CCDC171: variants seen among roughly 807,000 people sequenced by gnomAD.
CCDC171 encodes the protein coiled-coil domain-containing protein 171.
CCDC171 carries 177 observed loss-of-function variants against 168.2 expected under a neutral mutation model. The ratio of observed to expected loss-of-function variants is 1.05; its 90% CI spans 0.93 to 1.19. The LOEUF (loss-of-function observed/expected upper bound fraction) is 1.19, where lower values mean the gene tolerates loss of function less well. Among genes scored for constraint, CCDC171 ranks in the 50% most tolerant of loss-of-function variants. The probability of loss-of-function intolerance (pLI) is 0.00; values close to 1 mark genes in which losing one functional copy is unlikely to be tolerated. For missense variants in CCDC171, 1,991 were observed against 1,539.0 expected (o/e 1.29, Z -4.91); for synonymous variants, 687 against 540.8 (o/e 1.27, Z -3.75).
intron 21 of CCDC171, among the ~76,000 whole-genome samples, chr9:15,823,235 T>G (rs2059868294): frequency 6.6e-6 from 1 of 151,912 alleles, no homozygotes; most frequent in Non-Finnish European, 1.5e-5. Context: ...AATGACGAGA[T>G]AAAGGGTGCA....
intron 24 of CCDC171, among the ~76,000 whole-genome samples, chr9:15,918,428 G>GAAA (rs35132712): frequency 4.5e-5 from 6 of 131,942 alleles, no homozygotes; most frequent in Non-Finnish European, 8.1e-5. Context: ...GTAAGACTCA[G>GAAA]AAAAAAAAAA....
At chr9:16,039,967 C>G (rs909662198), upstream of CCDC171, among the ~76,000 whole-genome samples, 1 of 152,164 alleles carries the variant, frequency 6.6e-6, no homozygotes, top group Admixed American at 6.5e-5. Flanking sequence ...AGCATACAAG[C>G]TTATTTCTAA....
downstream of CCDC171, among the ~76,000 whole-genome samples, chr9:16,064,101 G>A (rs998661039): frequency 6.6e-6 from 1 of 152,174 alleles, no homozygotes; most frequent in African/African-American, 2.4e-5. Context: ...CTTTAACTCT[G>A]ACAAAATTAG....
chr9:15,853,531 A>G (rs908858654), intron 23 of CCDC171, among the ~76,000 whole-genome samples: 2 of 151,432 alleles, frequency 1.3e-5, no homozygotes, highest in Admixed American at 6.6e-5. Context: ...ATGTAAGATT[A>G]TGTTATCTAT....
chr9:15,690,209 A>G (rs1233428503), intron 10 of CCDC171, among the ~76,000 whole-genome samples: 1 of 152,134 alleles, frequency 6.6e-6, no homozygotes, highest in East Asian at 1.9e-4. Context: ...TGCTTGTACA[A>G]CCTCGTGAAA....
intron 7 of CCDC171, among the ~76,000 whole-genome samples, chr9:16,035,853 G>A (rs1833457097): frequency 6.6e-6 from 1 of 152,220 alleles, no homozygotes; most frequent in Non-Finnish European, 1.5e-5. Context: ...TTTGATCAGA[G>A]TTGAAAATAA....
chr9:15,681,429 C>T (rs2050034961), intron 10 of CCDC171, among the ~76,000 whole-genome samples: 1 of 151,830 alleles, frequency 6.6e-6, no homozygotes, highest in African/African-American at 2.4e-5. Flanking sequence ...TTTCTTCCAT[C>T]TTCCTCTTCT....
intron 3 of CCDC171, among the ~76,000 whole-genome samples, chr9:16,009,389 C>T (rs1161210781): frequency 2.0e-5 from 3 of 152,130 alleles, no homozygotes; most frequent in African/African-American, 7.2e-5. Context: ...ACCTAGTATA[C>T]CACAGTTGTT....
intron 18 of CCDC171, among the ~76,000 whole-genome samples, chr9:15,763,692 C>A (rs1432000805): frequency 1.3e-5 from 2 of 152,178 alleles, no homozygotes; most frequent in African/African-American, 2.4e-5. Context: ...TATCTGGATT[C>A]ATCTGCTCAG....
intron 3 of CCDC171, among the ~76,000 whole-genome samples, chr9:16,003,770 G>C (rs983060611): frequency 2.0e-5 from 3 of 152,136 alleles, no homozygotes; most frequent in South Asian, 2.1e-4. Flanking sequence ...CCATTAAGAG[G>C]TATTATATGT....
At chr9:15,763,324 C>T (rs1384414271) in intron 18 of CCDC171, among the ~76,000 whole-genome samples, 1 of 152,184 alleles carries the variant, frequency 6.6e-6, no homozygotes, top group Non-Finnish European at 1.5e-5. Context: ...ATTATATAAG[C>T]ATGATTGAAT....
chr9:15,935,319 A>G (rs959794162), intron 25 of CCDC171, among the ~76,000 whole-genome samples: 1 of 152,032 alleles, frequency 6.6e-6, no homozygotes, highest in African/African-American at 2.4e-5. Flanking sequence ...AAACTTTACT[A>G]TTGACTCACC....
At chr9:15,913,763 C>T (rs562676759) in intron 24 of CCDC171, among the ~76,000 whole-genome samples, 37 of 152,232 alleles carry the variant, frequency 2.4e-4, no homozygotes, top group African/African-American at 8.4e-4. Flanking sequence ...CTGGTTTTTC[C>T]TCATCTTAGT....
intron 11 of CCDC171, among the ~76,000 whole-genome samples, chr9:15,705,002 A>C (rs141010619): frequency 8.5e-5 from 13 of 152,184 alleles, no homozygotes; most frequent in African/African-American, 3.1e-4. Context: ...AGTTCTGGGG[A>C]TCTAATGTAC....
chr9:16,034,053 C>G (rs1466085018), intron 6 of CCDC171, among the ~76,000 whole-genome samples: 1 of 152,194 alleles, frequency 6.6e-6, no homozygotes, highest in Non-Finnish European at 1.5e-5. Context: ...AGATCAAGTG[C>G]TTATCTCATA....
the CCDC171 span, among the ~76,000 whole-genome samples, chr9:16,093,246 T>G: frequency 4.5e-4 from 68 of 152,332 alleles, no homozygotes; most frequent in African/African-American, 1.6e-3. Context: ...TAATGAGACT[T>G]CCTTTGCCTT....
At chr9:16,084,095 C>G in the CCDC171 span, among the ~76,000 whole-genome samples, 1 of 152,306 alleles carries the variant, frequency 6.6e-6, no homozygotes, top group East Asian at 1.9e-4. Context: ...AAACCTGAAT[C>G]AATATGTTCC....
At chr9:15,603,968 C>T (rs2043046418) in intron 6 of CCDC171, among the ~76,000 whole-genome samples, 1 of 152,026 alleles carries the variant, frequency 6.6e-6, no homozygotes, top group Non-Finnish European at 1.5e-5. Flanking sequence ...GATGGTATCT[C>T]ATTGTGATTT....
intron 6 of CCDC171, among the ~76,000 whole-genome samples, chr9:15,605,928 C>G (rs1405053687): frequency 6.6e-6 from 1 of 152,134 alleles, no homozygotes; most frequent in Non-Finnish European, 1.5e-5. Context: ...ATACTGTAGC[C>G]TTTCCCTTAC....
Sources: gnomAD v4.1 joint callset for allele counts (sites outside exome capture counted in the v4.1 genomes callset) on GRCh38, gnomAD v4.1.1 for gene constraint, MANE v1.5 for transcripts, NCBI Gene and HGNC (gene_info 2026-07-23, HGNC 2026-07-21) for gene names.